The following ARHGEF3 variants were observed in gnomAD, a reference collection of about 807,000 sequenced individuals.
ARHGEF3 encodes Rho guanine nucleotide exchange factor 3, also known as 59.8 kDA protein.
Under a neutral mutation model 63.2 loss-of-function variants are expected in ARHGEF3, and 28 were observed. That is an observed-to-expected ratio of 0.44 (90% confidence interval 0.33 to 0.61). The LOEUF (loss-of-function observed/expected upper bound fraction) is 0.61. ARHGEF3 is among the 20% of genes least tolerant of loss of function. The pLI is 0.03. For missense variants in ARHGEF3, 533 were observed against 659.3 expected (o/e 0.81, Z 2.10); for synonymous variants, 266 against 254.2 (o/e 1.05, Z -0.44).
intron 2 of ARHGEF3, among the ~76,000 whole-genome samples, chr3:56,994,755 A>G (rs1489565666): frequency 2.0e-5 from 3 of 151,984 alleles, no homozygotes; most frequent in Non-Finnish European, 4.4e-5. Flanking sequence ...AAGAAAATAC[A>G]AGATGCGGCA....
At chr3:56,780,529 C>T (rs777569905) in intron 1 of ARHGEF3, among the ~76,000 whole-genome samples, 1 of 152,206 alleles carries the variant, frequency 6.6e-6, no homozygotes, top group Non-Finnish European at 1.5e-5. Context: ...TGGGATTCCA[C>T]CAGTTTCTGT....
chr3:57,009,216 T>C (rs1224638692), intron 2 of ARHGEF3, among the ~76,000 whole-genome samples: 1 of 152,258 alleles, frequency 6.6e-6, no homozygotes, highest in Non-Finnish European at 1.5e-5. Context: ...ACTTTTCATT[T>C]CAGCTGAACG....
intron 1 of ARHGEF3, among the ~76,000 whole-genome samples, chr3:57,067,917 G>T (rs961369634): frequency 2.0e-5 from 3 of 151,978 alleles, no homozygotes; most frequent in African/African-American, 7.3e-5. Context: ...GTGAACCTGG[G>T]AGGCAGAGCT....
At chr3:56,771,582 C>T (rs1325964777) in intron 2 of ARHGEF3, among the ~76,000 whole-genome samples, 1 of 152,154 alleles carries the variant, frequency 6.6e-6, no homozygotes, top group Non-Finnish European at 1.5e-5. Flanking sequence ...GGCTGGCTGC[C>T]TAGGTCTAGC....
At chr3:56,874,710 A>G (rs1382086956) in intron 4 of ARHGEF3, among the ~76,000 whole-genome samples, 2 of 152,196 alleles carry the variant, frequency 1.3e-5, no homozygotes, top group East Asian at 1.9e-4. Flanking sequence ...GACCAGCTAA[A>G]AGCACTAAAC....
intron 1 of ARHGEF3, among the ~76,000 whole-genome samples, chr3:56,778,667 G>A (rs1334241169): frequency 6.6e-6 from 1 of 152,010 alleles, no homozygotes; most frequent in East Asian, 1.9e-4. Context: ...TCAAGAAACT[G>A]GGACTACAGG....
At chr3:57,043,773 G>A (rs1242302657) in intron 1 of ARHGEF3, among the ~76,000 whole-genome samples, 1 of 152,220 alleles carries the variant, frequency 6.6e-6, no homozygotes, top group Non-Finnish European at 1.5e-5. Flanking sequence ...AAGGAGGGCT[G>A]GGGCAGTGCA....
chr3:57,007,223 G>C (rs896710409), intron 2 of ARHGEF3: 18 of 1,288,494 alleles, frequency 1.4e-5, no homozygotes, highest in East Asian at 1.1e-4. Context: ...AGTCGAAGGT[G>C]GGGGGGTCAA....
chr3:56,751,394 G>C lies in ARHGEF3; in HGVS notation c.441C>G (p.Ala147=), dbSNP rs768882242. 4 of 1,613,448 alleles carry C rather than the reference G, an allele frequency of 2.5e-6. No homozygotes were observed. The highest frequency in any genetic ancestry group is 2.5e-6 in the Non-Finnish European group (3 of 1,179,448). ...LIEDLKLAKK[A]YHDPMLKLSI... The stretch of plus-strand genomic sequence containing the variant: ...AGAGTTTCAGCATGGGGTCATGATA[G>C]GCCTGCACAAAAACGGCAAGAGATG... The change falls in exon 5 of 10, where the codon GCC becomes GCG. Residue 147 remains alanine, a splice_region_variant and synonymous_variant. Coordinates refer to ENST00000296315, the MANE Select transcript of ARHGEF3 (RefSeq NM_019555.3).
At chr3:56,756,517 G>C (rs2035073534) in intron 2 of ARHGEF3, among the ~76,000 whole-genome samples, 1 of 149,630 alleles carries the variant, frequency 6.7e-6, no homozygotes. Flanking sequence ...TCTCTTCCTG[G>C]AATGTGTTTC....
At chr3:56,932,399 T>G (rs150505383) in intron 3 of ARHGEF3, among the ~76,000 whole-genome samples, 271 of 152,312 alleles carry the variant, frequency 1.8e-3, no homozygotes, top group African/African-American at 6.2e-3. Flanking sequence ...TAGCCCAAAT[T>G]GTACTGTATA....
Position 56,922,466 on chromosome 3 carries a change from A to T in ARHGEF3, c.129+36357T>A, listed in dbSNP as rs183869662. Among the ~76,000 whole-genome samples the T allele has an allele frequency of 2.5e-5, 3 of 117,972 alleles. No homozygotes were observed. The Admixed American group carries it at 3.4e-4, about 13-fold the overall frequency. The allele number at this position is 117,972 out of a possible 152,430, so 77.4% of individuals were successfully genotyped here. A position where few individuals can be genotyped will look rare whatever the true frequency, so the allele number is the denominator to read the frequency against. On this transcript the variant is annotated intron_variant, in intron 3 of 12. Coordinates refer to the ARHGEF3 transcript ENST00000338458. The stretch of plus-strand genomic sequence containing the variant: ...CATTGCACTGTCAAAGTTGGTTGGA[A>T]GTGGAAAATCTGAATATGGGGGTGG...
At chr3:56,899,123 C>G (rs996692930) in intron 3 of ARHGEF3, among the ~76,000 whole-genome samples, 12 of 152,174 alleles carry the variant, frequency 7.9e-5, no homozygotes, top group Non-Finnish European at 1.6e-4. Flanking sequence ...GTGGGAGTTT[C>G]AATCCACCAA....
intron 4 of ARHGEF3, among the ~76,000 whole-genome samples, chr3:56,878,466 TATC>T (rs1173529211): frequency 3.3e-5 from 5 of 152,190 alleles, no homozygotes; most frequent in African/African-American, 1.2e-4. Flanking sequence ...TGACCGATTA[TATC>T]ATCAACTAGC....
At chr3:56,838,598 C>A (rs1305208069) in intron 4 of ARHGEF3, among the ~76,000 whole-genome samples, 1 of 152,088 alleles carries the variant, frequency 6.6e-6, no homozygotes, top group Non-Finnish European at 1.5e-5. Context: ...TTAGCAGCTG[C>A]AGTTTAGATG....
chr3:56,867,073 C>T (rs1348336264), intron 4 of ARHGEF3, among the ~76,000 whole-genome samples: 2 of 152,170 alleles, frequency 1.3e-5, no homozygotes, highest in African/African-American at 4.8e-5. Context: ...TTCAGGTAGA[C>T]CTTGATTTTC....
At chr3:56,748,400 G>A (rs146032409) in intron 6 of ARHGEF3, among the ~76,000 whole-genome samples, 4 of 152,222 alleles carry the variant, frequency 2.6e-5, no homozygotes, top group South Asian at 2.1e-4. Flanking sequence ...GAGACAAAAC[G>A]AGAGTCTGAA....
intron 3 of ARHGEF3, among the ~76,000 whole-genome samples, chr3:56,921,968 G>A (rs1025022396): frequency 2.0e-5 from 3 of 152,080 alleles, no homozygotes; most frequent in African/African-American, 4.8e-5. Context: ...ACAAGCAATC[G>A]CCTGAGCTCT....
At chr3:56,775,562 T>C in intron 1 of ARHGEF3, 1 of 985,872 alleles carries the variant, frequency 1.0e-6, no homozygotes, top group Non-Finnish European at 1.2e-6. Flanking sequence ...CTAGGAAGGC[T>C]CAGTTCCAAA....
Sources: allele counts gnomAD v4.1 joint callset (sites outside exome capture counted in the v4.1 genomes callset), GRCh38; gene constraint gnomAD v4.1.1; transcripts MANE v1.5; gene names NCBI Gene and HGNC (gene_info 2026-07-23, HGNC 2026-07-21).